KALRN: variants seen among roughly 807,000 people sequenced by gnomAD.
The protein encoded by KALRN is kalirin RhoGEF kinase, also known as kalirin.
KALRN carries 70 observed loss-of-function variants against 353.7 expected under a neutral mutation model. That is an observed-to-expected ratio of 0.20 (90% CI 0.16 to 0.24). The LOEUF is 0.24. KALRN is among the 10% of genes least tolerant of loss of function. The pLI is 1.00. For missense variants in KALRN, 2,791 were observed against 3,756.7 expected, an observed-to-expected ratio of 0.74 and a Z score of 6.72; for synonymous variants, 1,391 against 1,434.8, an observed-to-expected ratio of 0.97 and a Z score of 0.69.
intron 1 of KALRN, among the ~76,000 whole-genome samples, chr3:124,049,237 T>C (rs2040812465): frequency 6.6e-6 from 1 of 152,214 alleles, no homozygotes; most frequent in African/African-American, 2.4e-5. Flanking sequence ...CAGTTAGCTA[T>C]GGCAGCACTT....
chr3:124,644,263 C>G (rs2082432771), intron 37 of KALRN, among the ~76,000 whole-genome samples: 1 of 152,092 alleles, frequency 6.6e-6, no homozygotes, highest in Non-Finnish European at 1.5e-5. Flanking sequence ...CTGTATCTGG[C>G]TTATTTCACT....
At chr3:124,109,470 T>C (rs545413565) in intron 1 of KALRN, among the ~76,000 whole-genome samples, 2 of 152,184 alleles carry the variant, frequency 1.3e-5, no homozygotes, top group African/African-American at 2.4e-5. Context: ...TTTCTTTTGG[T>C]TTCCAATTTT....
chr3:124,137,756 G>A (rs2066104102), intron 1 of KALRN, among the ~76,000 whole-genome samples: 1 of 152,082 alleles, frequency 6.6e-6, no homozygotes. Flanking sequence ...TTTAGAAATG[G>A]GACTACTGAG....
chr3:124,282,871 G>C (rs2075484138), intron 5 of KALRN, among the ~76,000 whole-genome samples: 1 of 152,184 alleles, frequency 6.6e-6, no homozygotes, highest in Non-Finnish European at 1.5e-5. Context: ...CTGGCTCCCT[G>C]CATGGCCCCT....
intron 58 of KALRN, among the ~76,000 whole-genome samples, chr3:124,714,850 T>C (rs886957335): frequency 1.3e-5 from 2 of 152,108 alleles, no homozygotes; most frequent in Non-Finnish European, 2.9e-5. Context: ...ACCCCATCTC[T>C]ACTAAAAGTA....
chr3:124,149,146 T>A (rs2067749804), intron 1 of KALRN, among the ~76,000 whole-genome samples: 1 of 152,190 alleles, frequency 6.6e-6, no homozygotes, highest in South Asian at 2.1e-4. Context: ...CCAGTGCTCT[T>A]TATGCTGTTT....
Position 124,114,029 on chromosome 3 carries a change from G to GAAATATTTTTAAAAGGA in KALRN, c.73+80217_73+80233dup, listed in dbSNP as rs1163074559. 5.3e-5 allele frequency among the ~76,000 whole-genome samples: 8 copies of GAAATATTTTTAAAAGGA among 152,284 alleles called. No homozygotes were observed. The East Asian group carries it at 1.5e-3, about 30-fold the overall frequency. ...AAGGGTAGAGAGTAGGCCCTGGGTG[G>GAAATATTTTTAAAAGGA]AAATATTTTTAAAAGGAGAAAGGTA... On this transcript the variant is annotated intron_variant, in intron 1 of 59. Transcript: ENST00000682506.
At chr3:124,629,105 G>T (rs2080443411) in intron 34 of KALRN, among the ~76,000 whole-genome samples, 1 of 152,092 alleles carries the variant, frequency 6.6e-6, no homozygotes, top group Non-Finnish European at 1.5e-5. Context: ...ATGCAAACCG[G>T]CACTGTCAGG....
chr3:124,407,426 T>C (rs2091689785), intron 13 of KALRN, among the ~76,000 whole-genome samples: 1 of 152,188 alleles, frequency 6.6e-6, no homozygotes, highest in Non-Finnish European at 1.5e-5. Flanking sequence ...AGGAGATCCC[T>C]GAATGTTTAT....
chr3:124,203,669 C>A (rs527488209), intron 1 of KALRN, among the ~76,000 whole-genome samples: 3 of 152,242 alleles, frequency 2.0e-5, no homozygotes, highest in Middle Eastern at 6.8e-3. Context: ...TCCTCTATGC[C>A]AGGAATTGTG....
intron 10 of KALRN, among the ~76,000 whole-genome samples, chr3:124,379,659 C>A (rs2087062089): frequency 6.6e-6 from 1 of 152,184 alleles, no homozygotes; most frequent in Non-Finnish European, 1.5e-5. Context: ...GTTTTCCAGG[C>A]TGACTGGTGG....
At chr3:124,135,309 A>G (rs1395705520) in intron 1 of KALRN, among the ~76,000 whole-genome samples, 1 of 152,164 alleles carries the variant, frequency 6.6e-6, no homozygotes, top group Non-Finnish European at 1.5e-5. Context: ...TCTCACTGAT[A>G]TGTGGGAGCT....
chr3:124,179,408 C>T (rs1005235540), intron 1 of KALRN, among the ~76,000 whole-genome samples: 14 of 152,270 alleles, frequency 9.2e-5, no homozygotes, highest in African/African-American at 3.4e-4. Flanking sequence ...TCTTCAGGGG[C>T]AATAACACAC....
intron 1 of KALRN, among the ~76,000 whole-genome samples, chr3:124,044,880 TC>T (rs1219847438): frequency 3.0e-4 from 7 of 23,214 alleles, no homozygotes; most frequent in Middle Eastern, 0.014. Flanking sequence ...CTTCCTTCCT[TC>T]CTTCCTTCCT....
At chr3:124,693,211 A>G (rs901874568) in intron 51 of KALRN, among the ~76,000 whole-genome samples, 1 of 152,184 alleles carries the variant, frequency 6.6e-6, no homozygotes, top group African/African-American at 2.4e-5. Context: ...CATGCTTGAG[A>G]AAGAAGAGAC....
intron 34 of KALRN, among the ~76,000 whole-genome samples, chr3:124,564,018 A>ATT: frequency 6.6e-6 from 1 of 150,816 alleles, no homozygotes; most frequent in East Asian, 1.9e-4. Flanking sequence ...AAAAAAAAAA[A>ATT]AAAAAATTAA....
chr3:124,691,203 C>G (rs944158061), intron 51 of KALRN, among the ~76,000 whole-genome samples: 1 of 152,016 alleles, frequency 6.6e-6, no homozygotes. Flanking sequence ...CCGAGGCAGG[C>G]GGATCACCTG....
intron 34 of KALRN, among the ~76,000 whole-genome samples, chr3:124,591,681 C>G (rs2075787866): frequency 6.6e-6 from 1 of 150,640 alleles, no homozygotes. Flanking sequence ...ATAAAGTGCT[C>G]TAAAAAAATT....
chr3:124,364,753 A>G (rs1469871587), intron 10 of KALRN, among the ~76,000 whole-genome samples: 4 of 152,146 alleles, frequency 2.6e-5, no homozygotes, highest in African/African-American at 4.8e-5. Flanking sequence ...TTTCCACACC[A>G]GACAGCCACT....
Sources: allele counts gnomAD v4.1 joint callset (sites outside exome capture counted in the v4.1 genomes callset), GRCh38; gene constraint gnomAD v4.1.1; transcripts MANE v1.5; gene names NCBI Gene and HGNC (gene_info 2026-07-23, HGNC 2026-07-21).